Variants in CBR4 observed in about 807,000 individuals in gnomAD.
CBR4 encodes carbonyl reductase 4.
In CBR4, 22 loss-of-function variants were observed where a neutral mutation model predicts 21.0. The ratio of observed to expected loss-of-function variants is 1.05; its 90% CI spans 0.75 to 1.50. The LOEUF (loss-of-function observed/expected upper bound fraction) is 1.50. CBR4 is among the 40% of genes most tolerant of loss of function. The pLI, the probability that CBR4 is intolerant of heterozygous loss-of-function variation, is 0.00. For synonymous variants in CBR4, 100 were observed against 104.4 expected (o/e 0.96, Z 0.26); for missense variants, 302 against 286.3 (o/e 1.05, Z -0.40).
intron 3 of CBR4, chr4:168,894,493 GTGT>G (rs1754697549): frequency 2.5e-6 from 2 of 800,886 alleles, no homozygotes; most frequent in African/African-American, 3.4e-5. Flanking sequence ...TCATGAAAGT[GTGT>G]TGTTTTTTAC....
intron 2 of CBR4, among the ~76,000 whole-genome samples, chr4:168,906,208 C>T (rs761238971): frequency 1.3e-5 from 2 of 152,150 alleles, no homozygotes; most frequent in African/African-American, 4.8e-5. Flanking sequence ...TTTGCCAACA[C>T]TGGGAACCTG....
At chr4:168,940,873 G>A (rs1479850657) in intron 2 of CBR4, among the ~76,000 whole-genome samples, 8 of 152,190 alleles carry the variant, frequency 5.3e-5, no homozygotes, top group African/African-American at 9.6e-5. Flanking sequence ...ACAGTGTGGC[G>A]ATTCCTCAAG....
intron 2 of CBR4, among the ~76,000 whole-genome samples, chr4:168,972,603 G>C (rs780161941): frequency 5.3e-5 from 8 of 152,140 alleles, no homozygotes; most frequent in South Asian, 2.1e-4. Context: ...GTGTATAGCA[G>C]TGATATTTAT....
chr4:168,903,400 A>G (rs1756963707), intron 2 of CBR4, among the ~76,000 whole-genome samples: 1 of 152,204 alleles, frequency 6.6e-6, no homozygotes, highest in Non-Finnish European at 1.5e-5. Context: ...AATGGCCTTC[A>G]TAGAAGGCCA....
intron 2 of CBR4, among the ~76,000 whole-genome samples, chr4:168,975,774 T>C (rs1232521389): frequency 2.0e-5 from 3 of 152,042 alleles, no homozygotes; most frequent in African/African-American, 7.2e-5. Flanking sequence ...GGCCACTATG[T>C]AGTGGGGAAA....
At chr4:168,942,537 C>G (rs1199812599) in intron 2 of CBR4, among the ~76,000 whole-genome samples, 1 of 151,924 alleles carries the variant, frequency 6.6e-6, no homozygotes. Flanking sequence ...TAGAAGAAAA[C>G]ATTGAGAAGA....
intron 2 of CBR4, among the ~76,000 whole-genome samples, chr4:168,936,102 C>T (rs1468329996): frequency 7.2e-5 from 11 of 152,326 alleles, no homozygotes; most frequent in Admixed American, 4.6e-4. Flanking sequence ...GCAATCTTTG[C>T]TGTTCTGCAG....
At chr4:168,899,088 C>G (rs1197608990) in intron 2 of CBR4, among the ~76,000 whole-genome samples, 1 of 152,118 alleles carries the variant, frequency 6.6e-6, no homozygotes, top group Non-Finnish European at 1.5e-5. Context: ...GTGCTCTGTA[C>G]CATACAGACA....
chr4:169,008,572 T>C (rs1034568367), intron 1 of CBR4, among the ~76,000 whole-genome samples: 5 of 152,212 alleles, frequency 3.3e-5, no homozygotes, highest in African/African-American at 9.7e-5. Context: ...CGGGGAATTA[T>C]ACTTTCTAGA....
At chr4:168,991,857 T>C (rs1310039800) in intron 4 of CBR4, among the ~76,000 whole-genome samples, 2 of 152,202 alleles carry the variant, frequency 1.3e-5, no homozygotes, top group Non-Finnish European at 2.9e-5. Context: ...AACTTCAACA[T>C]GACGTGTGAA....
chr4:168,986,752 G>A (rs1272989716), downstream of CBR4, among the ~76,000 whole-genome samples: 1 of 152,068 alleles, frequency 6.6e-6, no homozygotes, highest in Non-Finnish European at 1.5e-5. Context: ...AGACCAGCCT[G>A]GGTGACACAG....
intron 2 of CBR4, among the ~76,000 whole-genome samples, chr4:168,900,847 G>A (rs999742609): frequency 6.6e-5 from 10 of 152,252 alleles, no homozygotes; most frequent in East Asian, 3.9e-4. Flanking sequence ...GTTTATGAAC[G>A]AAATTCAATA....
chr4:168,999,311 G>C (rs745673820), intron 4 of CBR4, among the ~76,000 whole-genome samples: 3 of 152,100 alleles, frequency 2.0e-5, no homozygotes, highest in South Asian at 2.1e-4. Context: ...TGTTAACTGT[G>C]ATGTTTGTTA....
In CBR4 at chr4:169,009,943, C is replaced by A; in HGVS notation, c.142+5G>T. 6.2e-7 allele frequency: 1 copy of A among 1,609,488 alleles called. No individual in the cohort carries two copies. Among genetic ancestry groups the A allele is most frequent in the Admixed American group, 1.7e-5 (1 of 59,314 alleles). ...ACAACTGGACAACTCCAGTTTGGTACCTACCGCCGAGGTCACCGGCGGCGG... is the reference window on the plus strand; with the variant it reads ...ACAACTGGACAACTCCAGTTTGGTAACTACCGCCGAGGTCACCGGCGGCGG... On this transcript the variant is annotated splice_donor_5th_base_variant and intron_variant, in intron 1 of 4. Transcript: ENST00000306193.
chr4:168,903,150 A>G (rs1432740382), intron 2 of CBR4, among the ~76,000 whole-genome samples: 6 of 151,856 alleles, frequency 4.0e-5, no homozygotes, highest in Non-Finnish European at 2.9e-5. Flanking sequence ...CATAATGGGG[A>G]TAGGTGACAA....
chr4:168,917,612 C>T (rs534412619), intron 2 of CBR4, among the ~76,000 whole-genome samples: 1 of 152,198 alleles, frequency 6.6e-6, no homozygotes, highest in South Asian at 2.1e-4. Flanking sequence ...TCTGCTGGTT[C>T]TGTATGGAAT....
intron 4 of CBR4, among the ~76,000 whole-genome samples, chr4:168,999,211 CTGTTA>C (rs1730193673): frequency 6.6e-6 from 1 of 151,970 alleles, no homozygotes; most frequent in Non-Finnish European, 1.5e-5. Flanking sequence ...CTTGCTTTTC[CTGTTA>C]TAATTTGCTT....
At chr4:168,991,899 A>G (rs1283539794) in intron 4 of CBR4, among the ~76,000 whole-genome samples, 1 of 152,234 alleles carries the variant, frequency 6.6e-6, no homozygotes, top group African/African-American at 2.4e-5. Flanking sequence ...TCAAAAATAC[A>G]GTTTTCAAAT....
In CBR4 at chr4:168,990,264, A is replaced by G; in HGVS notation, c.600T>C (p.Leu200=). The change falls in exon 5 of 5, where the codon CTT becomes CTC. Residue 200 remains leucine, a synonymous_variant. Transcript: ENST00000306193. Reference sequence around the variant, plus strand: ...CCTCAATAGTTTCTCCAAACCTCCCAAGAGGAATATTTTTCTTTAAATGTT... The same window carrying G: ...CCTCAATAGTTTCTCCAAACCTCCCGAGAGGAATATTTTTCTTTAAATGTT... ...KEEHLKKNIP[L]GRFGETIEVA... 2 of 1,613,222 alleles carry G rather than the reference A, an allele frequency of 1.2e-6. No homozygotes were observed.
Sources: allele counts gnomAD v4.1 joint callset (sites outside exome capture counted in the v4.1 genomes callset), GRCh38; gene constraint gnomAD v4.1.1; transcripts MANE v1.5; gene names NCBI Gene and HGNC (gene_info 2026-07-23, HGNC 2026-07-21).